Variants in ATP8B4 observed in about 807,000 individuals in gnomAD.
ATP8B4 encodes the protein probable phospholipid-transporting ATPase IM.
In ATP8B4, 133 loss-of-function variants were observed where a neutral mutation model predicts 145.6. The observed-to-expected ratio is 0.91, with a 90% CI of 0.79 to 1.05. The LOEUF (loss-of-function observed/expected upper bound fraction) is 1.05, where lower values mean the gene tolerates loss of function less well. Among genes scored for constraint, ATP8B4 ranks in the 50% least tolerant of loss-of-function variants. The pLI is 0.00. For missense variants in ATP8B4, 1,458 were observed against 1,425.2 expected (o/e 1.02, Z -0.37); for synonymous variants, 507 against 492.9 (o/e 1.03, Z -0.38).
intron 3 of ATP8B4, among the ~76,000 whole-genome samples, chr15:50,056,737 A>C (rs1006085742): frequency 5.4e-4 from 81 of 149,460 alleles, no homozygotes; most frequent in Non-Finnish European, 1.5e-4. Context: ...ACACACACAC[A>C]CCTATAGCAA....
Position 49,862,233 on chromosome 15 carries a change from A to T in ATP8B4, c.3297+12T>A. Reference sequence around the variant, plus strand: ...AACCAGCCTTCAAGTATTCATCAGCACTGTGACATACCTGATCACTCAGGG... The same window carrying T: ...AACCAGCCTTCAAGTATTCATCAGCTCTGTGACATACCTGATCACTCAGGG... On this transcript the variant is annotated intron_variant, in intron 27 of 27. Coordinates refer to ENST00000284509, the MANE Select transcript of ATP8B4 (RefSeq NM_024837.4). 6.2e-7 allele frequency: 1 copy of T among 1,612,224 alleles called. No individual in the cohort carries two copies. Among genetic ancestry groups the T allele is most frequent in the Non-Finnish European group, 8.5e-7 (1 of 1,178,776 alleles).
At chr15:50,181,728 G>A (rs2044849965) in intron 1 of ATP8B4, among the ~76,000 whole-genome samples, 1 of 152,128 alleles carries the variant, frequency 6.6e-6, no homozygotes. Context: ...AGTCGGGCTG[G>A]GAAGCAAATC....
chr15:50,079,761 TGCATAA>T (rs1266139722), intron 2 of ATP8B4, among the ~76,000 whole-genome samples: 2 of 152,246 alleles, frequency 1.3e-5, no homozygotes, highest in African/African-American at 4.8e-5. Context: ...TTTGAATGAA[TGCATAA>T]GCTATGTGTT....
chr15:50,130,670 G>A (rs1011663634), intron 1 of ATP8B4, among the ~76,000 whole-genome samples: 1 of 152,074 alleles, frequency 6.6e-6, no homozygotes, highest in African/African-American at 2.4e-5. Flanking sequence ...CAGCTACTCA[G>A]GAGGCTGAGG....
chr15:49,866,557 C>T (rs958066933), intron 25 of ATP8B4, 73 bp from the exon 26 acceptor site: 48 of 1,554,148 alleles, frequency 3.1e-5, no homozygotes, highest in Non-Finnish European at 3.8e-5. Flanking sequence ...CGTGATGTTT[C>T]GCGAGAACTG....
At chr15:50,074,531 G>C (rs2054055158) in intron 2 of ATP8B4, among the ~76,000 whole-genome samples, 1 of 152,152 alleles carries the variant, frequency 6.6e-6, no homozygotes, top group African/African-American at 2.4e-5. Context: ...TCCTGGCAAG[G>C]AATGCTTTGT....
intron 3 of ATP8B4, among the ~76,000 whole-genome samples, chr15:50,070,108 T>A (rs1263256126): frequency 1.3e-5 from 2 of 152,210 alleles, no homozygotes; most frequent in African/African-American, 4.8e-5. Context: ...GAACCATGCC[T>A]TTCATATGGT....
chr15:49,961,377 A>G (rs1470052532), intron 14 of ATP8B4, among the ~76,000 whole-genome samples: 1 of 152,188 alleles, frequency 6.6e-6, no homozygotes, highest in Non-Finnish European at 1.5e-5. Context: ...AATTCTAAAG[A>G]AGGCAATTTG....
At chr15:49,961,825 A>G in intron 14 of ATP8B4, 152 bp downstream of exon 14, 1 of 624,124 alleles carries the variant, frequency 1.6e-6, no homozygotes, top group Non-Finnish European at 2.7e-6. Context: ...ATGAGAAGGA[A>G]TTTTGAATCA....
intron 3 of ATP8B4, among the ~76,000 whole-genome samples, chr15:50,053,422 G>T (rs1218041822): frequency 6.6e-6 from 1 of 152,168 alleles, no homozygotes; most frequent in African/African-American, 2.4e-5. Flanking sequence ...ATCTGCCCTT[G>T]CTCTCTCTTC....
At chr15:50,056,199 ATC>A (rs1197827491) in intron 3 of ATP8B4, among the ~76,000 whole-genome samples, 1 of 152,158 alleles carries the variant, frequency 6.6e-6, no homozygotes, top group Non-Finnish European at 1.5e-5. Context: ...GAGGGCACAT[ATC>A]CCCCAACATT....
In ATP8B4 at chr15:49,860,431, A is replaced by G. The variant is rs751380365; in HGVS notation, c.3342T>C (p.Ser1114=). ...QKAQKKARPP[S]SRRPRTRRSS... is the part of the protein sequence containing the mutation. ...ACCTGCGGGTCCGAGGCCTTCGGCT[A>G]CTTGGAGGCCTTGCCTTCTTTTGAG... Residue 1114 remains serine (S), a synonymous_variant, in exon 28 of 28, where the codon AGT becomes AGC. Coordinates refer to ENST00000284509, the MANE Select transcript of ATP8B4 (RefSeq NM_024837.4). The G allele has an allele frequency of 1.2e-6, 2 of 1,613,658 alleles. No homozygotes were observed. The highest frequency in any genetic ancestry group is 2.2e-5 in the South Asian group (2 of 90,976).
intron 20 of ATP8B4, chr15:49,901,775 G>T: frequency 2.5e-6 from 1 of 407,426 alleles, no homozygotes. Context: ...GAAGAAAAAT[G>T]ATGGTACTTA....
At chr15:50,039,546 G>C (rs2051108299) in intron 5 of ATP8B4, among the ~76,000 whole-genome samples, 1 of 152,094 alleles carries the variant, frequency 6.6e-6, no homozygotes, top group South Asian at 2.1e-4. Context: ...AGATCAGATA[G>C]TAGTAGTAGG....
At chr15:50,041,798 G>T (rs2051305700) in intron 5 of ATP8B4, among the ~76,000 whole-genome samples, 1 of 152,138 alleles carries the variant, frequency 6.6e-6, no homozygotes, top group Non-Finnish European at 1.5e-5. Context: ...AAATTAGCCA[G>T]GTGTAGTGGT....
chr15:49,894,294 T>G (rs1185647136), intron 23 of ATP8B4, among the ~76,000 whole-genome samples: 4 of 152,156 alleles, frequency 2.6e-5, no homozygotes, highest in African/African-American at 9.7e-5. Flanking sequence ...ATTAAATGAG[T>G]GAAATCCTTA....
chr15:50,172,200 C>T (rs1413193033), intron 1 of ATP8B4, among the ~76,000 whole-genome samples: 1 of 152,270 alleles, frequency 6.6e-6, no homozygotes. Flanking sequence ...CGAGCGGAGG[C>T]TGGACTGTAC....
At chr15:50,135,058 G>C (rs1176682025) in intron 1 of ATP8B4, among the ~76,000 whole-genome samples, 2 of 152,214 alleles carry the variant, frequency 1.3e-5, no homozygotes, top group Non-Finnish European at 2.9e-5. Flanking sequence ...CAAGTGGGTT[G>C]TCTAGAACAA....
chr15:50,035,263 C>T (rs923650614), intron 6 of ATP8B4, among the ~76,000 whole-genome samples: 5 of 152,228 alleles, frequency 3.3e-5, no homozygotes, highest in African/African-American at 1.2e-4. Flanking sequence ...AAGAATGTTA[C>T]GAGTAATGCT....
Sources: allele counts gnomAD v4.1 joint callset (sites outside exome capture counted in the v4.1 genomes callset), GRCh38; gene constraint gnomAD v4.1.1; transcripts MANE v1.5; gene names NCBI Gene and HGNC (gene_info 2026-07-23, HGNC 2026-07-21).